AP3B1: variants seen among roughly 807,000 people sequenced by gnomAD.
AP3B1 encodes the protein AP-3 complex subunit beta-1.
Under a neutral mutation model 132.5 loss-of-function variants are expected in AP3B1, and 61 were observed. That is an observed-to-expected ratio of 0.46 (90% CI 0.37 to 0.57). AP3B1 has a LOEUF of 0.57. Among genes scored for constraint, AP3B1 ranks in the 20% least tolerant of loss-of-function variants. The probability of loss-of-function intolerance (pLI) is 0.00; values close to 1 mark genes in which losing one functional copy is unlikely to be tolerated. For missense variants in AP3B1, 1,120 were observed against 1,289.4 expected, an observed-to-expected ratio of 0.87 and a Z score of 2.01; for synonymous variants, 388 against 438.3, an observed-to-expected ratio of 0.89 and a Z score of 1.43.
intron 22 of AP3B1, among the ~76,000 whole-genome samples, chr5:78,075,795 G>A (rs1257404386): frequency 1.3e-5 from 2 of 152,142 alleles, no homozygotes; most frequent in Admixed American, 6.5e-5. Flanking sequence ...CAAACTTAAC[G>A]TCATCTTTTT....
rs371915442 is a variant in AP3B1, at chr5:78,128,120, G to A, written c.1878C>T (p.Leu626=). The part of the protein sequence containing the change: ...HFQLGTLSHT[L]NIKATGYLEL... Reference sequence around the variant, plus strand: ...CCAGGTACCCAGTAGCTTTAATGTTGAGAGTATGAGATAAGGTGCCAAGCT... The same window carrying A: ...CCAGGTACCCAGTAGCTTTAATGTTAAGAGTATGAGATAAGGTGCCAAGCT... Residue 626 remains leucine, a synonymous_variant, in exon 17 of 27, where the codon CTC becomes CTT. Coordinates refer to ENST00000255194, the MANE Select transcript of AP3B1 (RefSeq NM_003664.5). 3.1e-6 allele frequency: 5 copies of A among 1,612,282 alleles called. No homozygotes were observed. Among genetic ancestry groups the A allele is most frequent in the Non-Finnish European group, 4.2e-6 (5 of 1,178,550 alleles).
At chr5:78,151,020 C>T (rs1470662963) in intron 14 of AP3B1, among the ~76,000 whole-genome samples, 1 of 152,054 alleles carries the variant, frequency 6.6e-6, no homozygotes, top group Non-Finnish European at 1.5e-5. Context: ...CCATGTTCCA[C>T]CGATTCTCCT....
intron 9 of AP3B1, among the ~76,000 whole-genome samples, chr5:78,176,927 T>C (rs1744170116): frequency 6.6e-6 from 1 of 152,200 alleles, no homozygotes; most frequent in Non-Finnish European, 1.5e-5. Flanking sequence ...TTACTTAGCA[T>C]ACACATTGCT....
intron 22 of AP3B1, among the ~76,000 whole-genome samples, chr5:78,076,403 G>C (rs113416030): frequency 0.012 from 1,835 of 152,270 alleles, 44 homozygotes; most frequent in African/African-American, 0.041. Flanking sequence ...AAGAGGCTTA[G>C]GACTTTCTCT....
chr5:78,027,917 G>T (rs1747401412), intron 24 of AP3B1, among the ~76,000 whole-genome samples: 1 of 152,108 alleles, frequency 6.6e-6, no homozygotes, highest in African/African-American at 2.4e-5. Context: ...CCTGAGGTCA[G>T]GAGTTCAAGA....
intron 14 of AP3B1, among the ~76,000 whole-genome samples, chr5:78,151,656 T>C (rs756081004): frequency 1.3e-5 from 2 of 152,218 alleles, no homozygotes; most frequent in Non-Finnish European, 2.9e-5. Flanking sequence ...TGAATCACAC[T>C]GATTGATTTA....
intron 7 of AP3B1, among the ~76,000 whole-genome samples, chr5:78,182,394 T>C (rs1744409581): frequency 6.6e-6 from 1 of 152,246 alleles, no homozygotes; most frequent in African/African-American, 2.4e-5. Context: ...GGAGTAGATG[T>C]ACTTTTCCCC....
Position 78,251,106 on chromosome 5 carries a change from A to C in AP3B1, c.205-10170T>G, listed in dbSNP as rs565928633. The stretch of plus-strand genomic sequence containing the variant: ...AGTAAAACAGATTTAAAATTTTAGA[A>C]TCAAAGGGTTCATTAGTAACATAAC... On this transcript the variant is annotated intron_variant, in intron 2 of 26. Transcript: ENST00000255194. Among the ~76,000 whole-genome samples the C allele has an allele frequency of 2.6e-5, 4 of 152,362 alleles. No homozygotes were observed. In the East Asian group the frequency reaches 7.7e-4, roughly 29 times the overall value.
intron 7 of AP3B1, among the ~76,000 whole-genome samples, chr5:78,193,737 TA>T (rs1380495717): frequency 0.027 from 1,852 of 67,612 alleles, 55 homozygotes; most frequent in Middle Eastern, 0.083. Flanking sequence ...TATTTGTATA[TA>T]TTTTTTTATA....
chr5:78,132,255 A>AT (rs1752720888), intron 15 of AP3B1, among the ~76,000 whole-genome samples: 1 of 152,196 alleles, frequency 6.6e-6, no homozygotes, highest in African/African-American at 2.4e-5. Context: ...AAATAAGAAC[A>AT]TTGATTTTTA....
At chr5:78,271,358 T>C (rs866720557) in intron 1 of AP3B1, among the ~76,000 whole-genome samples, 4 of 152,012 alleles carry the variant, frequency 2.6e-5, no homozygotes, top group Admixed American at 6.6e-5. Context: ...GAGGTGGAGG[T>C]TGCAGTGAGC....
intron 2 of AP3B1, among the ~76,000 whole-genome samples, chr5:78,249,302 T>C (rs1300538778): frequency 6.6e-6 from 1 of 152,254 alleles, no homozygotes; most frequent in African/African-American, 2.4e-5. Context: ...GGGGCAGAGG[T>C]TGCAGTAAGC....
At chr5:78,172,385 G>A (rs1454593480) in intron 11 of AP3B1, among the ~76,000 whole-genome samples, 1 of 152,044 alleles carries the variant, frequency 6.6e-6, no homozygotes, top group Non-Finnish European at 1.5e-5. Context: ...TTTATTGGTT[G>A]GTAGGCTATT....
At chr5:78,174,167 T>C (rs1744045778) in intron 11 of AP3B1, among the ~76,000 whole-genome samples, 2 of 152,184 alleles carry the variant, frequency 1.3e-5, no homozygotes, top group South Asian at 2.1e-4. Context: ...ACTACCGACC[T>C]TCTGAAGCCT....
rs899158749 is a variant in AP3B1, at chr5:78,192,021, C to T, written c.787-10359G>A. Among the ~76,000 whole-genome samples the T allele has an allele frequency of 3.3e-5, 5 of 151,834 alleles. No homozygotes were observed. The East Asian group carries it at 7.8e-4, about 24-fold the overall frequency. On this transcript the variant is annotated intron_variant, in intron 7 of 26. Transcript: ENST00000255194. ...GGTTACAGGCATGCACCACCACACC[C>T]GGCTAATTTTGTATTTTTAGTAGAG...
intron 1 of AP3B1, among the ~76,000 whole-genome samples, chr5:78,285,352 G>T (rs930755810): frequency 2.0e-5 from 3 of 151,932 alleles, no homozygotes; most frequent in African/African-American, 7.3e-5. Flanking sequence ...GCTTGTCACG[G>T]TCACCAAAGT....
At chr5:78,250,233 C>G (rs757788641) in intron 2 of AP3B1, among the ~76,000 whole-genome samples, 1 of 152,040 alleles carries the variant, frequency 6.6e-6, no homozygotes, top group Non-Finnish European at 1.5e-5. Flanking sequence ...TACCAAACAG[C>G]AGAATATATA....
intron 26 of AP3B1, among the ~76,000 whole-genome samples, chr5:78,006,678 A>C (rs1044642366): frequency 2.6e-5 from 4 of 152,226 alleles, no homozygotes; most frequent in African/African-American, 9.6e-5. Context: ...AATAAGTGCG[A>C]TGACAGTTAA....
intron 1 of AP3B1, among the ~76,000 whole-genome samples, chr5:78,293,946 T>C (rs1056965867): frequency 9.2e-5 from 14 of 152,208 alleles, no homozygotes; most frequent in Admixed American, 7.8e-4. Context: ...TTAATACTGG[T>C]GTAAACCAGT....
Sources: allele counts gnomAD v4.1 joint callset (sites outside exome capture counted in the v4.1 genomes callset), GRCh38; gene constraint gnomAD v4.1.1; transcripts MANE v1.5; gene names NCBI Gene and HGNC (gene_info 2026-07-23, HGNC 2026-07-21).